The following ASTN2 variants were observed in gnomAD, a reference collection of about 807,000 sequenced individuals.
ASTN2 encodes the protein astrotactin-2.
In ASTN2, 54 loss-of-function variants were observed where a neutral mutation model predicts 139.8. The ratio of observed to expected loss-of-function variants is 0.39; its 90% CI spans 0.31 to 0.48. The LOEUF (loss-of-function observed/expected upper bound fraction) is 0.48, where lower values mean the gene tolerates loss of function less well. Among genes scored for constraint, ASTN2 ranks in the 20% least tolerant of loss-of-function variants. The probability of loss-of-function intolerance (pLI) is 0.95; values close to 1 mark genes in which losing one functional copy is unlikely to be tolerated. For synonymous variants in ASTN2, 756 were observed against 719.5 expected (o/e 1.05, Z -0.81); for missense variants, 1,565 against 1,725.1 (o/e 0.91, Z 1.64).
intron 2 of ASTN2, among the ~76,000 whole-genome samples, chr9:117,215,656 G>A (rs950980007): frequency 1.3e-5 from 2 of 151,956 alleles, no homozygotes; most frequent in African/African-American, 4.8e-5. Context: ...TTCAAAACAC[G>A]TCTGTAATCC....
At chr9:117,064,760 GT>G (rs1297130302) in intron 5 of ASTN2, among the ~76,000 whole-genome samples, 1 of 151,652 alleles carries the variant, frequency 6.6e-6, no homozygotes, top group African/African-American at 2.4e-5. Flanking sequence ...ATCTATCCAT[GT>G]CATAAAACTG....
chr9:116,641,269 T>C (rs1331309923), intron 17 of ASTN2, among the ~76,000 whole-genome samples: 1 of 152,182 alleles, frequency 6.6e-6, no homozygotes, highest in African/African-American at 2.4e-5. Flanking sequence ...AATGACATTG[T>C]CTTTAGCATG....
intron 11 of ASTN2, among the ~76,000 whole-genome samples, chr9:116,822,782 T>C (rs1831526638): frequency 6.6e-6 from 1 of 152,212 alleles, no homozygotes; most frequent in African/African-American, 2.4e-5. Flanking sequence ...CCCAAAGACA[T>C]GTCTCTGTCC....
At chr9:116,778,889 T>C (rs1029828727) in intron 13 of ASTN2, among the ~76,000 whole-genome samples, 16 of 152,146 alleles carry the variant, frequency 1.1e-4, no homozygotes, top group Admixed American at 1.0e-3. Context: ...GGAAGGAGTG[T>C]AGGCTCCTCT....
intron 1 of ASTN2, among the ~76,000 whole-genome samples, chr9:117,413,899 C>T (rs1831245572): frequency 6.6e-6 from 1 of 152,128 alleles, no homozygotes; most frequent in Non-Finnish European, 1.5e-5. Context: ...TCTCTCCAGC[C>T]CTATTTCACA....
intron 2 of ASTN2, among the ~76,000 whole-genome samples, chr9:117,254,058 A>G (rs1419973460): frequency 6.6e-6 from 1 of 152,124 alleles, no homozygotes; most frequent in Non-Finnish European, 1.5e-5. Context: ...GTGAAGGTGA[A>G]GGTTCCAACG....
intron 2 of ASTN2, among the ~76,000 whole-genome samples, chr9:117,282,981 T>G (rs1206456024): frequency 1.4e-5 from 2 of 137,994 alleles, no homozygotes; most frequent in Non-Finnish European, 3.2e-5. Context: ...ATACTTCTAC[T>G]GTTTTTTTTT....
At chr9:117,247,020 A>G (rs1833401530) in intron 2 of ASTN2, among the ~76,000 whole-genome samples, 1 of 152,190 alleles carries the variant, frequency 6.6e-6, no homozygotes, top group Non-Finnish European at 1.5e-5. Context: ...ACTAGTTTCA[A>G]TTTACCAGTT....
chr9:116,598,871 T>G (rs952974223), intron 19 of ASTN2, among the ~76,000 whole-genome samples: 46 of 152,178 alleles, frequency 3.0e-4, no homozygotes, highest in African/African-American at 1.0e-3. Context: ...GGGGCACACA[T>G]GAACGTTTAA....
intron 2 of ASTN2, among the ~76,000 whole-genome samples, chr9:117,260,687 G>T (rs1180027605): frequency 6.6e-6 from 1 of 152,180 alleles, no homozygotes; most frequent in Non-Finnish European, 1.5e-5. Context: ...AGTGGTAAGG[G>T]AGAAGTCACA....
At chr9:117,133,610 A>T (rs577452110) in intron 4 of ASTN2, among the ~76,000 whole-genome samples, 2 of 152,326 alleles carry the variant, frequency 1.3e-5, no homozygotes, top group East Asian at 3.9e-4. Context: ...ACCTAGATAT[A>T]GTTGTGCACT....
chr9:116,667,548 A>T (rs1253050370), intron 16 of ASTN2, among the ~76,000 whole-genome samples: 1 of 152,208 alleles, frequency 6.6e-6, no homozygotes, highest in Non-Finnish European at 1.5e-5. Context: ...GAGATTTATT[A>T]TACCATTTTC....
At chr9:116,782,797 TCTTA>T (rs149704742) in intron 13 of ASTN2, among the ~76,000 whole-genome samples, 9,070 of 152,200 alleles carry the variant, frequency 0.06, 925 homozygotes, top group African/African-American at 0.21. Flanking sequence ...CCTAACAATC[TCTTA>T]CTTACCCTTC....
At chr9:116,596,794 T>C (rs746523666) in intron 19 of ASTN2, among the ~76,000 whole-genome samples, 1 of 152,118 alleles carries the variant, frequency 6.6e-6, no homozygotes, top group South Asian at 2.1e-4. Context: ...TCTGTGCAGA[T>C]GAAAATGGGA....
intron 5 of ASTN2, among the ~76,000 whole-genome samples, chr9:117,048,607 G>A (rs553331112): frequency 2.3e-4 from 35 of 152,318 alleles, no homozygotes; most frequent in South Asian, 2.3e-3. Context: ...GGGCTTGCAA[G>A]TGCAAAGGTC....
At chr9:117,095,640 C>T (rs530229475) in intron 5 of ASTN2, among the ~76,000 whole-genome samples, 54 of 152,310 alleles carry the variant, frequency 3.5e-4, no homozygotes, top group South Asian at 3.3e-3. Context: ...GAATTTCTTA[C>T]TTAAATTGCC....
chr9:116,971,371 C>A (rs917857665), intron 10 of ASTN2, among the ~76,000 whole-genome samples: 1 of 152,206 alleles, frequency 6.6e-6, no homozygotes, highest in African/African-American at 2.4e-5. Flanking sequence ...CAAAGCTTAG[C>A]TACAGTTTTT....
chr9:116,637,666 C>T (rs1183428537), intron 17 of ASTN2, among the ~76,000 whole-genome samples: 2 of 152,114 alleles, frequency 1.3e-5, no homozygotes, highest in South Asian at 2.1e-4. Flanking sequence ...GGGCTGGGTA[C>T]GGTAGTACAT....
rs1832235296 is a variant in ASTN2, at chr9:117,214,283, C to G, written c.1015+75G>C. The G allele has an allele frequency of 4.7e-6, 7 of 1,494,766 alleles. No homozygotes were observed. The Admixed American group carries it at 1.2e-4, about 25-fold the overall frequency. 92.6% of individuals were successfully genotyped at this position (1,494,766 alleles called of 1,614,324 possible). A position where few individuals can be genotyped will look rare whatever the true frequency, so the allele number is the denominator to read the frequency against. On this transcript the variant is annotated intron_variant, in intron 3 of 22. Coordinates refer to ENST00000313400, the MANE Select transcript of ASTN2 (RefSeq NM_001365068.1). ...AGAAAACACTGCCTGTAGTCCCCAA[C>G]TGCCCAGCTTCTGCACCTCTTCCCA...
Sources: gnomAD v4.1 joint callset for allele counts (sites outside exome capture counted in the v4.1 genomes callset) on GRCh38, gnomAD v4.1.1 for gene constraint, MANE v1.5 for transcripts, NCBI Gene and HGNC (gene_info 2026-07-23, HGNC 2026-07-21) for gene names.